The following KIF13B variants were observed in gnomAD, a reference collection of about 807,000 sequenced individuals.
KIF13B encodes the protein kinesin-like protein KIF13B.
KIF13B carries 127 observed loss-of-function variants against 222.0 expected under a neutral mutation model. The ratio of observed to expected loss-of-function variants is 0.57; its 90% confidence interval spans 0.50 to 0.66. The LOEUF is 0.66. Ranked by LOEUF, KIF13B falls within the 30% of genes least tolerant of loss-of-function variation. The pLI is 0.00. For synonymous variants in KIF13B, 976 were observed against 919.0 expected, an observed-to-expected ratio of 1.06 and a Z score of -1.12; for missense variants, 2,173 against 2,379.0, an observed-to-expected ratio of 0.91 and a Z score of 1.80.
At position 29,228,472 on chromosome 8, in the gene KIF13B, A is replaced by AATATATATATATATAT. The variant is rs1491523107; in HGVS notation, c.149+16858_149+16873dup. The stretch of plus-strand genomic sequence containing the variant: ...ACAGAGCCAGACTCCATCTTAAAAA[A>AATATATATATATATAT]ATATATATATATATATATGAGATAC... On this transcript the variant is annotated intron_variant, in intron 2 of 39. Transcript: ENST00000524189. Among the ~76,000 whole-genome samples, 201 of 117,068 alleles carry AATATATATATATATAT rather than the reference A, an allele frequency of 1.7e-3. 7 individuals are homozygous for AATATATATATATATAT. The highest frequency in any genetic ancestry group is 2.6e-3 in the Non-Finnish European group (149 of 56,640). 76.8% of individuals were successfully genotyped at this position (117,068 alleles called of 152,430 possible). A position where few individuals can be genotyped will look rare whatever the true frequency, so the allele number is the denominator to read the frequency against.
rs768745481 is a variant in KIF13B, at chr8:29,190,862, T to C, written c.223+135A>G. 18 of 775,270 alleles carry C rather than the reference T, an allele frequency of 2.3e-5. No homozygotes were observed. In the South Asian group the frequency reaches 2.5e-4, roughly 11 times the overall value. The allele number at this position is 775,270 out of a possible 1,614,324, so 48.0% of individuals were successfully genotyped here. On this transcript the variant is annotated intron_variant, in intron 4 of 39. Coordinates refer to ENST00000524189, the MANE Select transcript of KIF13B (RefSeq NM_015254.4). Reference sequence around the variant, plus strand: ...GGTCACATTAAGTCATCTTCTGTGTTGATGACTGTTATTGTGGTGTGACAG... The same window carrying C: ...GGTCACATTAAGTCATCTTCTGTGTCGATGACTGTTATTGTGGTGTGACAG...
At position 29,181,059 on chromosome 8, in the gene KIF13B, C is replaced by T. The variant is rs540368262; in HGVS notation, c.586-821G>A. ...CTAAGAGACTACATTTCCCAGATGC[C>T]CTTGCAGCTCACTCTGGCCTCATGA... On this transcript the variant is annotated intron_variant, in intron 7 of 39. Coordinates refer to ENST00000524189, the MANE Select transcript of KIF13B (RefSeq NM_015254.4). 7.5e-4 allele frequency among the ~76,000 whole-genome samples: 114 copies of T among 152,282 alleles called. 1 individual carries two copies. Among genetic ancestry groups the T allele is most frequent in the Middle Eastern group, 3.4e-3 (1 of 294 alleles).
At chr8:29,083,117 A>C (rs1807889191) in intron 37 of KIF13B, among the ~76,000 whole-genome samples, 1 of 152,220 alleles carries the variant, frequency 6.6e-6, no homozygotes, top group East Asian at 1.9e-4. Context: ...CAACAGAGCA[A>C]GACCCTGTCT....
At chr8:29,084,488 C>T (rs1282045780) in intron 37 of KIF13B, among the ~76,000 whole-genome samples, 3 of 152,158 alleles carry the variant, frequency 2.0e-5, no homozygotes, top group South Asian at 2.1e-4. Flanking sequence ...ACCTACCACA[C>T]GTGAGGCTAT....
At chr8:29,241,279 C>T (rs534425023) in intron 2 of KIF13B, among the ~76,000 whole-genome samples, 1 of 152,258 alleles carries the variant, frequency 6.6e-6, no homozygotes, top group East Asian at 1.9e-4. Context: ...GATTAATTAA[C>T]ATGGTGATAA....
At chr8:29,173,046 C>G (rs555058155) in intron 10 of KIF13B, among the ~76,000 whole-genome samples, 216 of 152,036 alleles carry the variant, frequency 1.4e-3, no homozygotes, top group South Asian at 2.9e-3. Context: ...TCCCGAGTAG[C>G]TGGGATTACA....
intron 2 of KIF13B, among the ~76,000 whole-genome samples, chr8:29,216,548 G>A (rs1010612216): frequency 4.6e-5 from 7 of 152,046 alleles, no homozygotes; most frequent in African/African-American, 1.4e-4. Context: ...GCAGTGAGCC[G>A]AGATCCTGCC....
chr8:29,245,497 G>A, intron 1 of KIF13B, 58 bp from the exon 2 acceptor site: 2 of 1,305,544 alleles, frequency 1.5e-6, no homozygotes, highest in South Asian at 1.3e-5. Flanking sequence ...TTTCAGAAAA[G>A]GCAAAATTCA....
In KIF13B at chr8:29,180,359, A is replaced by G. The variant is rs1015395789; in HGVS notation, c.586-121T>C. On this transcript the variant is annotated intron_variant, in intron 7 of 39. Transcript: ENST00000524189. ...TTAGTCAACAACATTTGGAGTTAAC[A>G]TTTTGTTTCTCAATGAATATTGAGC... 108 of 1,009,390 alleles carry G rather than the reference A, an allele frequency of 1.1e-4. No homozygotes were observed. In the South Asian group the frequency reaches 1.5e-3, roughly 14 times the overall value. 62.5% of individuals were successfully genotyped at this position (1,009,390 alleles called of 1,614,324 possible).
At chr8:29,161,702 C>CA (rs386412452) in intron 12 of KIF13B, among the ~76,000 whole-genome samples, 5 of 148,412 alleles carry the variant, frequency 3.4e-5, no homozygotes, top group South Asian at 2.2e-4. Context: ...TCTCAAAACC[C>CA]CCCCCCAAAA....
chr8:29,212,400 T>C (rs1274394880), intron 2 of KIF13B, among the ~76,000 whole-genome samples: 2 of 152,204 alleles, frequency 1.3e-5, no homozygotes, highest in Non-Finnish European at 2.9e-5. Context: ...GACATTCAAG[T>C]GGGAGCACAG....
intron 10 of KIF13B, among the ~76,000 whole-genome samples, chr8:29,172,074 T>C (rs970291901): frequency 1.6e-5 from 2 of 121,360 alleles, no homozygotes; most frequent in African/African-American, 5.4e-5. Context: ...TCACATATAT[T>C]TTCTTTTCTT....
intron 10 of KIF13B, among the ~76,000 whole-genome samples, chr8:29,174,725 C>G (rs1290247503): frequency 6.6e-6 from 1 of 152,098 alleles, no homozygotes; most frequent in Non-Finnish European, 1.5e-5. Flanking sequence ...AAGTAATGGA[C>G]CTGATATTCT....
In KIF13B at chr8:29,167,589, C is replaced by T; in HGVS notation, c.946-4G>A. The T allele has an allele frequency of 1.2e-6, 2 of 1,611,638 alleles. No individual in the cohort carries two copies. The highest frequency in any genetic ancestry group is 1.7e-6 in the Non-Finnish European group (2 of 1,177,802). ...TGCTGTTACCCCCGAGGCTGTCCTACAGGAGAAAACAGAAAGTTGAGTAGC... is the reference window on the plus strand; with the variant it reads ...TGCTGTTACCCCCGAGGCTGTCCTATAGGAGAAAACAGAAAGTTGAGTAGC... On this transcript the variant is annotated splice_polypyrimidine_tract_variant and splice_region_variant and intron_variant, in intron 10 of 39. Coordinates refer to ENST00000524189, the MANE Select transcript of KIF13B (RefSeq NM_015254.4).
chr8:29,218,889 G>A (rs1814613227), intron 2 of KIF13B: 1 of 152,228 alleles, frequency 6.6e-6, no homozygotes. Flanking sequence ...TCCTTGCTGA[G>A]AAAAAATAAC....
At chr8:29,137,315 GGCT>G in intron 21 of KIF13B, among the ~76,000 whole-genome samples, 1 of 152,268 alleles carries the variant, frequency 6.6e-6, no homozygotes, top group East Asian at 1.9e-4. Flanking sequence ...AATGAACACA[GGCT>G]GTTTGGGTTT....
intron 1 of KIF13B, among the ~76,000 whole-genome samples, chr8:29,255,911 T>G (rs1816458612): frequency 6.6e-6 from 1 of 152,122 alleles, no homozygotes; most frequent in African/African-American, 2.4e-5. Context: ...TCTCCTGAGG[T>G]TGCTCTTCTT....
At chr8:29,183,164 G>GTTTTTTT (rs140190406) in intron 6 of KIF13B, among the ~76,000 whole-genome samples, 1 of 104,836 alleles carries the variant, frequency 9.5e-6, no homozygotes, top group Non-Finnish European at 1.9e-5. Context: ...AATCCTTAAA[G>GTTTTTTT]TTTGTTTTTT....
intron 2 of KIF13B, among the ~76,000 whole-genome samples, chr8:29,197,139 C>T (rs1311438086): frequency 6.6e-5 from 10 of 151,510 alleles, no homozygotes; most frequent in Non-Finnish European, 5.9e-5. Flanking sequence ...AAATCGAGAC[C>T]ATCCCGGCTA....
Sources: allele counts gnomAD v4.1 joint callset (sites outside exome capture counted in the v4.1 genomes callset), GRCh38; gene constraint gnomAD v4.1.1; transcripts MANE v1.5; gene names NCBI Gene and HGNC (gene_info 2026-07-23, HGNC 2026-07-21).